The following HDDC2 variants were observed in gnomAD, a reference collection of about 807,000 sequenced individuals.
HDDC2 encodes 5'-deoxynucleotidase HDDC2.
In HDDC2, 25 loss-of-function variants were observed where a neutral mutation model predicts 25.5. That is an observed-to-expected ratio of 0.98 (90% CI 0.72 to 1.37). The LOEUF is 1.37. Ranked by LOEUF, HDDC2 falls within the 40% of genes most tolerant of loss-of-function variation. The pLI is 0.00. For missense variants in HDDC2, 264 were observed against 253.1 expected, an observed-to-expected ratio of 1.04 and a Z score of -0.29; for synonymous variants, 106 against 89.7, an observed-to-expected ratio of 1.18 and a Z score of -1.03.
intron 3 of HDDC2, among the ~76,000 whole-genome samples, chr6:125,298,029 A>G (rs972993865): frequency 3.3e-5 from 5 of 152,212 alleles, no homozygotes; most frequent in African/African-American, 4.8e-5. Flanking sequence ...CTCTCCAAAA[A>G]GCTTATTTAG....
intron 1 of HDDC2, 57 bp from the exon 2 acceptor site, chr6:125,300,716 A>G: frequency 1.3e-6 from 2 of 1,542,196 alleles, no homozygotes; most frequent in South Asian, 1.2e-5. Context: ...ACTATCTGCT[A>G]TGCTCTTCAA....
chr6:125,299,916 A>T (rs1041416376), intron 2 of HDDC2, among the ~76,000 whole-genome samples: 1 of 152,110 alleles, frequency 6.6e-6, no homozygotes, highest in African/African-American at 2.4e-5. Flanking sequence ...CTCAACTCAG[A>T]TTGCACCTCC....
chr6:125,296,643 T>C (rs1045476456), intron 3 of HDDC2, among the ~76,000 whole-genome samples: 1 of 152,192 alleles, frequency 6.6e-6, no homozygotes, highest in Non-Finnish European at 1.5e-5. Flanking sequence ...CTTGTGGTTC[T>C]TTAAGATGTT....
intron 1 of HDDC2, among the ~76,000 whole-genome samples, chr6:125,301,189 AT>A (rs1798796133): frequency 6.6e-6 from 1 of 152,180 alleles, no homozygotes; most frequent in African/African-American, 2.4e-5. Flanking sequence ...AGAATTCTAC[AT>A]CTCTAAGGAA....
intron 4 of HDDC2, among the ~76,000 whole-genome samples, chr6:125,281,818 G>A (rs1798462138): frequency 6.6e-6 from 1 of 152,100 alleles, no homozygotes; most frequent in South Asian, 2.1e-4. Flanking sequence ...TAGCAAGATA[G>A]GCCAGCATTC....
intron 2 of HDDC2, among the ~76,000 whole-genome samples, 164 bp from the exon 3 acceptor site, chr6:125,298,980 C>T (rs186699910): frequency 5.3e-5 from 8 of 152,318 alleles, no homozygotes; most frequent in Admixed American, 1.3e-4. Context: ...CAGCCTACAA[C>T]AGTTCTGATC....
intron 1 of HDDC2, among the ~76,000 whole-genome samples, chr6:125,301,514 T>TG (rs1798805868): frequency 1.4e-5 from 2 of 139,226 alleles, no homozygotes; most frequent in Admixed American, 1.4e-4. Flanking sequence ...ACACGAGTTC[T>TG]GGGGTCGTGA....
intron 4 of HDDC2, among the ~76,000 whole-genome samples, chr6:125,285,136 G>C (rs905142058): frequency 1.3e-5 from 2 of 150,192 alleles, no homozygotes; most frequent in East Asian, 3.9e-4. Flanking sequence ...GGCACAGGGA[G>C]GGGAACATCA....
At chr6:125,301,734 G>A in intron 1 of HDDC2, 115 bp downstream of exon 1, 1 of 703,738 alleles carries the variant, frequency 1.4e-6, no homozygotes, top group Non-Finnish European at 2.2e-6. Flanking sequence ...AATTCGGCGT[G>A]GCGGACGCGG....
At chr6:125,287,335 G>A (rs1422706496) in intron 4 of HDDC2, among the ~76,000 whole-genome samples, 9 of 152,134 alleles carry the variant, frequency 5.9e-5, no homozygotes, top group Admixed American at 5.2e-4. Context: ...TGTTGGGGGA[G>A]GGTGTTTCGA....
At chr6:125,288,105 T>A (rs1448521481) in intron 4 of HDDC2, among the ~76,000 whole-genome samples, 1 of 152,202 alleles carries the variant, frequency 6.6e-6, no homozygotes, top group Non-Finnish European at 1.5e-5. Context: ...TGAAATAGGG[T>A]TGGTGAACAT....
chr6:125,284,304 T>C (rs1798501230), intron 4 of HDDC2, among the ~76,000 whole-genome samples: 1 of 152,034 alleles, frequency 6.6e-6, no homozygotes, highest in South Asian at 2.1e-4. Flanking sequence ...AAAGCCAAAA[T>C]TGACAAATGG....
rs1190367306 is a variant in HDDC2, at chr6:125,292,917, AT to A, written c.310-9del. On this transcript the variant is annotated splice_polypyrimidine_tract_variant and intron_variant, in intron 3 of 5. Coordinates refer to ENST00000398153, the MANE Select transcript of HDDC2 (RefSeq NM_016063.3). ...TATCTGCTTCATAGCTTCCTGAAAT[AT>A]TAAACCATTATCTTTAATTATATTG... 6.3e-7 allele frequency: 1 copy of A among 1,595,180 alleles called. No homozygotes were observed. Among genetic ancestry groups the A allele is most frequent in the East Asian group, 2.2e-5 (1 of 44,798 alleles).
At chr6:125,281,254 A>C (rs539977115) in intron 4 of HDDC2, among the ~76,000 whole-genome samples, 1 of 152,210 alleles carries the variant, frequency 6.6e-6, no homozygotes, top group Non-Finnish European at 1.5e-5. Context: ...TGAGGAAAAA[A>C]CAGCGCAAAA....
Position 125,276,109 on chromosome 6 carries a change from ATGTT to A in HDDC2, c.*33_*36del. 1.5e-6 allele frequency: 2 copies of A among 1,373,300 alleles called. No homozygotes were observed. Among genetic ancestry groups the A allele is most frequent in the Non-Finnish European group, 2.1e-6 (2 of 960,570 alleles). The allele number at this position is 1,373,300 out of a possible 1,614,324, so 85.1% of individuals were successfully genotyped here. ...CACAATACAATGAAATGGAAAAATA[ATGTT>A]TGTTACAGGAGTGCAGCAATTTAGA... On this transcript the variant is annotated 3_prime_UTR_variant, in exon 6 of 6. Coordinates refer to ENST00000398153, the MANE Select transcript of HDDC2 (RefSeq NM_016063.3).
chr6:125,276,537 A>G (rs1562432032), intron 5 of HDDC2: 3 of 379,432 alleles, frequency 7.9e-6, no homozygotes, highest in Non-Finnish European at 1.4e-5. Flanking sequence ...CTCTACCAGG[A>G]ACTATGGGAA....
At chr6:125,277,312 T>C (rs1798385059) in intron 4 of HDDC2, 72 bp from the exon 5 acceptor site, 5 of 1,451,682 alleles carry the variant, frequency 3.4e-6, no homozygotes, top group Admixed American at 1.8e-5. Context: ...ATTCTGACTC[T>C]GGTACCCGAA....
At chr6:125,296,027 A>G (rs546278972) in intron 3 of HDDC2, among the ~76,000 whole-genome samples, 3 of 152,224 alleles carry the variant, frequency 2.0e-5, no homozygotes, top group South Asian at 4.1e-4. Context: ...ACTTTTCTCC[A>G]AAACAATCAG....
At chr6:125,291,297 T>G (rs1490319800) in intron 4 of HDDC2, among the ~76,000 whole-genome samples, 1 of 152,212 alleles carries the variant, frequency 6.6e-6, no homozygotes, top group East Asian at 1.9e-4. Flanking sequence ...TTGCCAGGTT[T>G]AATTTTCATG....
Sources: allele counts gnomAD v4.1 joint callset (sites outside exome capture counted in the v4.1 genomes callset), GRCh38; gene constraint gnomAD v4.1.1; transcripts MANE v1.5; gene names NCBI Gene and HGNC (gene_info 2026-07-23, HGNC 2026-07-21).